ASPH: variants seen among roughly 807,000 people sequenced by gnomAD.
ASPH encodes aspartate beta-hydroxylase.
A neutral mutation model predicts 118.4 loss-of-function variants in ASPH; 100 were observed. The observed-to-expected ratio is 0.84, with a 90% CI of 0.72 to 1.00. The LOEUF (loss-of-function observed/expected upper bound fraction) is 1.00. Ranked by LOEUF, ASPH falls within the 50% of genes least tolerant of loss-of-function variation. The probability of loss-of-function intolerance (pLI) is 0.00; values close to 1 mark genes in which losing one functional copy is unlikely to be tolerated. For missense variants in ASPH, 920 were observed against 919.5 expected (o/e 1.00, Z -0.01); for synonymous variants, 315 against 325.6 (o/e 0.97, Z 0.35).
At chr8:61,621,334 AAG>A (rs1456068885) in intron 13 of ASPH, among the ~76,000 whole-genome samples, 546 of 40,688 alleles carry the variant, frequency 0.013, 1 homozygote, top group Middle Eastern at 0.081. Flanking sequence ...AAAAAAAAAA[AAG>A]AAAAGAAAAG....
chr8:61,702,460 G>C (rs890195156), intron 1 of ASPH, among the ~76,000 whole-genome samples: 1 of 151,688 alleles, frequency 6.6e-6, no homozygotes, highest in Non-Finnish European at 1.5e-5. Flanking sequence ...AATTTTTTTT[G>C]TATTTTTAGT....
In ASPH at chr8:61,517,660, A is replaced by T. The variant is rs774751383; in HGVS notation, c.1994T>A (p.Ile665Asn). The stretch of plus-strand genomic sequence containing the variant: ...CCCGGGGTGCATGATGGAATATTTG[A>T]TCTGCATAGAAAACATGACACTCCA... ...PETTGCRRGQ[I>N]KYSIMHPGTH... Residue 665 changes from isoleucine to asparagine, a missense_variant and splice_region_variant, in exon 24 of 25, where the codon ATC becomes AAC. Coordinates refer to ENST00000379454, the MANE Select transcript of ASPH (RefSeq NM_004318.4). 1 of 1,613,682 alleles carries T rather than the reference A, an allele frequency of 6.2e-7. No homozygotes were observed. Among genetic ancestry groups the T allele is most frequent in the South Asian group, 1.1e-5 (1 of 91,052 alleles).
chr8:61,578,490 G>C (rs1246543432), intron 15 of ASPH: 1 of 1,591,204 alleles, frequency 6.3e-7, no homozygotes, highest in Non-Finnish European at 8.6e-7. Flanking sequence ...GTGCACCCAG[G>C]AGAAGGAGCA....
intron 16 of ASPH, among the ~76,000 whole-genome samples, chr8:61,574,888 C>T (rs966820329): frequency 1.3e-5 from 2 of 151,974 alleles, no homozygotes; most frequent in African/African-American, 4.8e-5. Context: ...CAAACAAACC[C>T]TCCCATGGCT....
chr8:61,681,452 A>G (rs1259755862), intron 2 of ASPH, among the ~76,000 whole-genome samples: 1 of 151,838 alleles, frequency 6.6e-6, no homozygotes, highest in East Asian at 1.9e-4. Flanking sequence ...CACTATCAAT[A>G]TCTGAACCAA....
At chr8:61,546,481 C>T (rs913148761) in intron 21 of ASPH, among the ~76,000 whole-genome samples, 47 of 152,166 alleles carry the variant, frequency 3.1e-4, no homozygotes, top group South Asian at 4.1e-4. Context: ...CAAAAAAACC[C>T]GACAGTGCTA....
rs369126002 is a variant in ASPH, at chr8:61,598,298, T to C, written c.977-14269A>G. On this transcript the variant is annotated intron_variant, in intron 14 of 24. Transcript: ENST00000379454. ...AGACAGAAAAAGATATGCAGGCAAA[T>C]AGAAAGACAGAAAAAGATATGCAGG... Among the ~76,000 whole-genome samples, 28 of 151,830 alleles carry C rather than the reference T, an allele frequency of 1.8e-4. No homozygotes were observed. In the East Asian group the frequency reaches 4.3e-3, roughly 23 times the overall value.
At chr8:61,648,052 T>C (rs1808949910) in intron 5 of ASPH, among the ~76,000 whole-genome samples, 1 of 152,210 alleles carries the variant, frequency 6.6e-6, no homozygotes, top group Non-Finnish European at 1.5e-5. Context: ...GATGCATGGC[T>C]GTAGATTCAG....
chr8:61,597,283 G>A lies in ASPH; in HGVS notation c.977-13254C>T, dbSNP rs1842764718. ...TGTAATCCCAGCACTTTGGGAGGCT[G>A]AGGCATATGCATCGCTTGAGCTCAG... On this transcript the variant is annotated intron_variant, in intron 14 of 24. Transcript: ENST00000379454. Among the ~76,000 whole-genome samples, 3 of 151,732 alleles carry A rather than the reference G, an allele frequency of 2.0e-5. No individual in the cohort carries two copies. In the South Asian group the frequency reaches 6.2e-4, roughly 32 times the overall value.
Position 61,673,715 on chromosome 8 carries a change from CATA to C in ASPH, c.322+7250_322+7252del, listed in dbSNP as rs1823785569. ...TAGAAAATTAAGAATTTTAGCAATA[CATA>C]ATAAATCAAACTAAGGTGAAGTAAT... On this transcript the variant is annotated intron_variant, in intron 3 of 24. Coordinates refer to ENST00000379454, the MANE Select transcript of ASPH (RefSeq NM_004318.4). 2.0e-5 allele frequency among the ~76,000 whole-genome samples: 3 copies of C among 152,206 alleles called. No homozygotes were observed. The South Asian group carries it at 6.2e-4, about 32-fold the overall frequency.
At chr8:61,590,114 G>C (rs953798149) in intron 14 of ASPH, among the ~76,000 whole-genome samples, 1 of 151,906 alleles carries the variant, frequency 6.6e-6, no homozygotes, top group Non-Finnish European at 1.5e-5. Context: ...ACTAGGGTTT[G>C]GTGCCATAAC....
intron 1 of ASPH, among the ~76,000 whole-genome samples, chr8:61,688,343 AG>A (rs1831383436): frequency 6.6e-6 from 1 of 152,220 alleles, no homozygotes; most frequent in African/African-American, 2.4e-5. Context: ...TTCCATCAAA[AG>A]TACATGACCT....
chr8:61,614,314 C>T (rs1232400369), intron 14 of ASPH, among the ~76,000 whole-genome samples: 2 of 152,186 alleles, frequency 1.3e-5, no homozygotes, highest in Admixed American at 6.5e-5. Flanking sequence ...CACCCACCCA[C>T]GTGCACACAT....
intron 24 of ASPH, among the ~76,000 whole-genome samples, chr8:61,510,736 A>C (rs533015779): frequency 1.3e-5 from 2 of 152,224 alleles, no homozygotes; most frequent in Non-Finnish European, 2.9e-5. Context: ...AAGTTGCTCA[A>C]ATGAAAGAAG....
intron 17 of ASPH, among the ~76,000 whole-genome samples, chr8:61,565,281 A>T (rs1199778407): frequency 6.6e-6 from 1 of 152,120 alleles, no homozygotes; most frequent in Non-Finnish European, 1.5e-5. Flanking sequence ...TCTTACCAGT[A>T]AATTTTTTTT....
intron 5 of ASPH, among the ~76,000 whole-genome samples, chr8:61,648,546 A>G (rs971642042): frequency 6.6e-6 from 1 of 151,934 alleles, no homozygotes; most frequent in African/African-American, 2.4e-5. Context: ...TTCTTCTTTC[A>G]TTCTATCCAG....
At chr8:61,529,077 T>G (rs1816581330) in intron 21 of ASPH, among the ~76,000 whole-genome samples, 1 of 152,172 alleles carries the variant, frequency 6.6e-6, no homozygotes, top group Non-Finnish European at 1.5e-5. Context: ...TTTCTTCAGT[T>G]TAGGGATGAT....
At chr8:61,642,540 T>A (rs1206237352) in intron 10 of ASPH, among the ~76,000 whole-genome samples, 1 of 152,216 alleles carries the variant, frequency 6.6e-6, no homozygotes, top group Non-Finnish European at 1.5e-5. Flanking sequence ...ACTATAGGTA[T>A]ATTTTAAAAC....
intron 15 of ASPH, chr8:61,578,797 T>C (rs1245031118): frequency 3.3e-5 from 53 of 1,603,744 alleles, no homozygotes; most frequent in Non-Finnish European, 4.4e-5. Flanking sequence ...GAGAATGAAT[T>C]TGTCCTCATC....
Sources: gnomAD v4.1 joint callset for allele counts (sites outside exome capture counted in the v4.1 genomes callset) on GRCh38, gnomAD v4.1.1 for gene constraint, MANE v1.5 for transcripts, NCBI Gene and HGNC (gene_info 2026-07-23, HGNC 2026-07-21) for gene names.